ACOX2: variants seen among roughly 807,000 people sequenced by gnomAD.
ACOX2 encodes acyl-CoA oxidase 2, also known as peroxisomal acyl-coenzyme A oxidase 2.
ACOX2 carries 59 observed loss-of-function variants against 77.5 expected under a neutral mutation model. That is an observed-to-expected ratio of 0.76 (90% confidence interval 0.62 to 0.95). The LOEUF (loss-of-function observed/expected upper bound fraction) is 0.95, where lower values mean the gene tolerates loss of function less well. Ranked by LOEUF, ACOX2 falls within the 40% of genes least tolerant of loss-of-function variation. ACOX2 has a pLI of 0.00. For missense variants in ACOX2, 837 were observed against 880.4 expected (o/e 0.95, Z 0.62); for synonymous variants, 317 against 340.1 (o/e 0.93, Z 0.75).
chr3:58,506,535 A>T (rs1466610562), intron 14 of ACOX2, among the ~76,000 whole-genome samples: 1 of 152,192 alleles, frequency 6.6e-6, no homozygotes, highest in African/African-American at 2.4e-5. Context: ...GCTCACACCT[A>T]TAATCCCAGC....
rs758404897 is a variant in ACOX2, at chr3:58,519,385, GAA to G, written c.1633-1964_1633-1963del. Among the ~76,000 whole-genome samples the G allele has an allele frequency of 2.1e-4, 32 of 151,152 alleles. No individual in the cohort carries two copies. Among genetic ancestry groups the G allele is most frequent in the Non-Finnish European group, 4.3e-4 (29 of 67,698 alleles). On this transcript the variant is annotated intron_variant, in intron 12 of 14. Transcript: ENST00000302819. This position sits in a 1 kb window ranked among gnomAD's most constrained non-coding sequence, Gnocchi z 5.0. The stretch of plus-strand genomic sequence containing the variant: ...GGTGGTGGAGTGAGACTCTATCATA[GAA>G]AAAAAAAGAGTGCCTTGGGGGTTCA...
intron 1 of ACOX2, among the ~76,000 whole-genome samples, chr3:58,536,814 C>G (rs2063485157): frequency 6.6e-6 from 1 of 152,206 alleles, no homozygotes; most frequent in African/African-American, 2.4e-5. Context: ...TCCCTGTCCT[C>G]CTCACTCTGC....
At position 58,534,796 on chromosome 3, in the gene ACOX2, T is replaced by C; in HGVS notation, c.160+151A>G. On this transcript the variant is annotated intron_variant, in intron 2 of 14. Transcript: ENST00000302819. The surrounding 1 kb of genome is among the most constrained non-coding windows in gnomAD (Gnocchi z 4.8). ...CTCAGGCAATATTGACATGTGAAGA[T>C]TGTCTTTACAGTTCGAAGGAATGAA... 5 of 1,401,368 alleles carry C rather than the reference T, an allele frequency of 3.6e-6. No individual in the cohort carries two copies. Among genetic ancestry groups the C allele is most frequent in the Non-Finnish European group, 4.0e-6 (4 of 1,007,746 alleles). 86.8% of individuals were successfully genotyped at this position (1,401,368 alleles called of 1,614,324 possible). A position where few individuals can be genotyped will look rare whatever the true frequency, so the allele number is the denominator to read the frequency against.
In ACOX2 at chr3:58,512,917, A is replaced by C. The variant is rs2063298107; in HGVS notation, c.1851-3892T>G. Among the ~76,000 whole-genome samples, 1 of 152,248 alleles carries C rather than the reference A, an allele frequency of 6.6e-6. No individual in the cohort carries two copies. Among genetic ancestry groups the C allele is most frequent in the Non-Finnish European group, 1.5e-5 (1 of 68,036 alleles). ...TGTAAGTACACTCTGTGATGTTCAC[A>C]TGATGACAGACTCACCTGAAGACAC... On this transcript the variant is annotated intron_variant, in intron 13 of 14. Transcript: ENST00000302819. The surrounding 1 kb of genome is among the most constrained non-coding windows in gnomAD (Gnocchi z 4.8).
intron 8 of ACOX2, among the ~76,000 whole-genome samples, chr3:58,529,895 T>A (rs972120319): frequency 3.9e-5 from 6 of 152,204 alleles, no homozygotes. Flanking sequence ...GCCCTTGCTA[T>A]TCTGTGCTGT....
In ACOX2 at chr3:58,525,254, ACTC is replaced by A. The variant is rs917250302; in HGVS notation, c.1347-652_1347-650del. ...CAGAGTACATAATATGTGCTATTGTACTCCTTTTCTAATTTGGAAAAAAACCAA... is the reference window on the plus strand; with the variant it reads ...CAGAGTACATAATATGTGCTATTGTACTTTTCTAATTTGGAAAAAAACCAA... On this transcript the variant is annotated intron_variant, in intron 10 of 14. Transcript: ENST00000302819. This position sits in a 1 kb window ranked among gnomAD's most constrained non-coding sequence, Gnocchi z 5.0. 8.6e-5 allele frequency among the ~76,000 whole-genome samples: 13 copies of A among 152,002 alleles called. No homozygotes were observed. Among genetic ancestry groups the A allele is most frequent in the Admixed American group, 3.9e-4 (6 of 15,272 alleles).
At chr3:58,511,192 C>T in intron 13 of ACOX2, 1 of 339,338 alleles carries the variant, frequency 2.9e-6, no homozygotes, top group East Asian at 1.0e-4. Flanking sequence ...CTCTTGCATA[C>T]TGGAGAACAA....
At position 58,533,584 on chromosome 3, in the gene ACOX2, C is replaced by T; in HGVS notation, c.476-32G>A. On this transcript the variant is annotated intron_variant, in intron 4 of 14. Transcript: ENST00000302819. This position sits in a 1 kb window ranked among gnomAD's most constrained non-coding sequence, Gnocchi z 5.6. ...ATCAAGGAGAGGTGTTAGACATTGG[C>T]CTGAGGTGGGGTTCTTACCTGTGAA... 1 of 1,605,296 alleles carries T rather than the reference C, an allele frequency of 6.2e-7. No individual in the cohort carries two copies. Among genetic ancestry groups the T allele is most frequent in the Non-Finnish European group, 8.5e-7 (1 of 1,172,450 alleles).
Position 58,531,461 on chromosome 3 carries a change from G to A in ACOX2, c.704-95C>T, listed in dbSNP as rs933269900. The A allele has an allele frequency of 1.0e-5, 13 of 1,287,940 alleles. No individual in the cohort carries two copies. In the African/African-American group the frequency reaches 1.6e-4, roughly 16 times the overall value. The allele number at this position is 1,287,940 out of a possible 1,614,324, so 79.8% of individuals were successfully genotyped here. A position where few individuals can be genotyped will look rare whatever the true frequency, so the allele number is the denominator to read the frequency against. ...CACATTCCAGGTCACAGCAGCCTGT[G>A]ACACTGGGATTATTGTACCTATTTT... On this transcript the variant is annotated intron_variant, in intron 6 of 14. Transcript: ENST00000302819. The surrounding 1 kb of genome is among the most constrained non-coding windows in gnomAD (Gnocchi z 5.8).
At position 58,510,664 on chromosome 3, in the gene ACOX2, ATATATATATATATAT is replaced by A. The variant is rs2063275597; in HGVS notation, c.1851-1654_1851-1640del. Reference sequence around the variant, plus strand: ...AAAAAAAAAAAAAAAAAAAAAAAAAATATATATATATATATATATATATATATATATATATATATA... The same window carrying A: ...AAAAAAAAAAAAAAAAAAAAAAAAAAATATATATATATATATATATATATA... On this transcript the variant is annotated intron_variant, in intron 13 of 14. Transcript: ENST00000302819. 6.0e-4 allele frequency among the ~76,000 whole-genome samples: 6 copies of A among 9,990 alleles called. 1 individual carries two copies. Among genetic ancestry groups the A allele is most frequent in the African/African-American group, 9.8e-4 (2 of 2,046 alleles). The allele number at this position is 9,990 out of a possible 152,430, so 6.6% of individuals were successfully genotyped here.
rs2063384466 is a variant in ACOX2 at position 58,524,985 on chromosome 3, G to A, written c.1347-380C>T. 6.6e-6 allele frequency among the ~76,000 whole-genome samples: 1 copy of A among 152,254 alleles called. No individual in the cohort carries two copies. Among genetic ancestry groups the A allele is most frequent in the Non-Finnish European group, 1.5e-5 (1 of 68,038 alleles). On this transcript the variant is annotated intron_variant, in intron 10 of 14. Coordinates refer to ENST00000302819, the MANE Select transcript of ACOX2 (RefSeq NM_003500.4). This position sits in a 1 kb window ranked among gnomAD's most constrained non-coding sequence, Gnocchi z 5.5. ...AAAAAAGAAGGATAGAGGCAAGAAT[G>A]CTAACAGGAGTAGGAGGATTATAGG...
rs2108010075 is a variant in ACOX2 at position 58,531,871 on chromosome 3, C to A, written c.584-59G>T. 3.9e-6 allele frequency: 6 copies of A among 1,545,704 alleles called. No homozygotes were observed. Among genetic ancestry groups the A allele is most frequent in the Middle Eastern group, 1.9e-4 (1 of 5,390 alleles). ...AAGACCTGTGCATTGCTTTTCCCAA[C>A]CAACCCAGCCTCCTGGGGCTGGGGT... On this transcript the variant is annotated intron_variant, in intron 5 of 14. Transcript: ENST00000302819. The surrounding 1 kb of genome is among the most constrained non-coding windows in gnomAD (Gnocchi z 5.8).
At position 58,519,084 on chromosome 3, in the gene ACOX2, T is replaced by TA. The variant is rs991937342; in HGVS notation, c.1633-1662dup. ...TGTAGTGATTTTCAGTAGCAAGACT[T>TA]AGAGTGTCTTGGGGGTTCGGCTGGG... On this transcript the variant is annotated intron_variant, in intron 12 of 14. Coordinates refer to ENST00000302819, the MANE Select transcript of ACOX2 (RefSeq NM_003500.4). This position sits in a 1 kb window ranked among gnomAD's most constrained non-coding sequence, Gnocchi z 5.0. 2.2e-4 allele frequency among the ~76,000 whole-genome samples: 34 copies of TA among 152,226 alleles called. No individual in the cohort carries two copies. Among genetic ancestry groups the TA allele is most frequent in the Non-Finnish European group, 4.1e-4 (28 of 68,002 alleles).
chr3:58,530,734 C>A, intron 7 of ACOX2, 96 bp from the exon 8 acceptor site: 1 of 1,392,466 alleles, frequency 7.2e-7, no homozygotes, highest in Non-Finnish European at 9.8e-7. Context: ...TGGAGGGCAC[C>A]TCGCCCCTCA....
At position 58,510,709 on chromosome 3, in the gene ACOX2, TAC is replaced by T. The variant is rs60942766; in HGVS notation, c.1851-1686_1851-1685del. ...ATATATATATATATATATATATATA[TAC>T]ACACACACACACACACACACACACA... On this transcript the variant is annotated intron_variant, in intron 13 of 14. Transcript: ENST00000302819. Among the ~76,000 whole-genome samples the T allele has an allele frequency of 8.1e-3, 59 of 7,268 alleles. 3 individuals carry two copies. Among genetic ancestry groups the T allele is most frequent in the African/African-American group, 0.022 (44 of 1,992 alleles). The allele number at this position is 7,268 out of a possible 152,430, so 4.8% of individuals were successfully genotyped here. A position where few individuals can be genotyped will look rare whatever the true frequency, so the allele number is the denominator to read the frequency against.
chr3:58,529,104 A>G (rs543193090), intron 8 of ACOX2, 148 bp from the exon 9 acceptor site: 47 of 737,278 alleles, frequency 6.4e-5, no homozygotes, highest in Non-Finnish European at 8.8e-5. Flanking sequence ...ATAATCCTTT[A>G]AAAATCCCAT....
intron 1 of ACOX2, among the ~76,000 whole-genome samples, chr3:58,536,789 C>G (rs2063484874): frequency 2.0e-5 from 3 of 152,264 alleles, no homozygotes; most frequent in South Asian, 4.1e-4. Context: ...AACCCCAAGC[C>G]CCCTCCCCCG....
Position 58,526,249 on chromosome 3 carries a change from C to A in ACOX2, c.1346+217G>T, listed in dbSNP as rs1478965419. 8.5e-5 allele frequency among the ~76,000 whole-genome samples: 13 copies of A among 152,290 alleles called. No individual in the cohort carries two copies. In the South Asian group the frequency reaches 2.5e-3, roughly 29 times the overall value. On this transcript the variant is annotated intron_variant, in intron 10 of 14. Coordinates refer to ENST00000302819, the MANE Select transcript of ACOX2 (RefSeq NM_003500.4). The surrounding 1 kb of genome is among the most constrained non-coding windows in gnomAD (Gnocchi z 4.3). ...GTGGAGAAGCAGGACAGGATAGAAG[C>A]AAGAGACCAGGGAGGGGTCTGAGGC... is the stretch of plus-strand genomic sequence containing the variant.
In ACOX2 at chr3:58,526,870, A is replaced by G; in HGVS notation, c.1156-214T>C. The G allele has an allele frequency of 1.9e-6, 1 of 523,176 alleles. No individual in the cohort carries two copies. Among genetic ancestry groups the G allele is most frequent in the South Asian group, 2.7e-5 (1 of 37,054 alleles). 32.4% of individuals were successfully genotyped at this position (523,176 alleles called of 1,614,324 possible). ...AATTAGGCAATGTAGCTGTAGGGGC[A>G]TAAGAGTGAAGGAAAACCTGGCCTG... On this transcript the variant is annotated intron_variant, in intron 9 of 14. Transcript: ENST00000302819. The surrounding 1 kb of genome is among the most constrained non-coding windows in gnomAD (Gnocchi z 4.3).
Sources: gnomAD v4.1 joint callset for allele counts (sites outside exome capture counted in the v4.1 genomes callset) on GRCh38, gnomAD v4.1.1 for gene constraint, Gnocchi (gnomAD v3.1) non-coding constraint, MANE v1.5 for transcripts, NCBI Gene and HGNC (gene_info 2026-07-23, HGNC 2026-07-21) for gene names.